FRMD4B: variants seen among roughly 807,000 people sequenced by gnomAD.
FRMD4B encodes the protein FERM domain containing 4B.
A neutral mutation model predicts 141.5 loss-of-function variants in FRMD4B; 74 were observed. The ratio of observed to expected loss-of-function variants is 0.52; its 90% CI spans 0.43 to 0.63. The LOEUF (loss-of-function observed/expected upper bound fraction) is 0.63. Among genes scored for constraint, FRMD4B ranks in the 30% least tolerant of loss-of-function variants. The probability of loss-of-function intolerance (pLI) is 0.00; values close to 1 mark genes in which losing one functional copy is unlikely to be tolerated. For missense variants in FRMD4B, 1,366 were observed against 1,253.4 expected (o/e 1.09, Z -1.36); for synonymous variants, 506 against 467.9 (o/e 1.08, Z -1.05).
At chr3:69,251,483 T>A (rs911448481) in intron 5 of FRMD4B, among the ~76,000 whole-genome samples, 1 of 152,156 alleles carries the variant, frequency 6.6e-6, no homozygotes, top group Non-Finnish European at 1.5e-5. Context: ...TTAAAACCCA[T>A]AAAATAAAAT....
chr3:69,453,532 G>A (rs1414863411), intron 1 of FRMD4B, among the ~76,000 whole-genome samples: 3 of 152,186 alleles, frequency 2.0e-5, no homozygotes, highest in African/African-American at 7.2e-5. Flanking sequence ...CCAAACTCTG[G>A]CTCTCAAAGC....
At chr3:69,193,539 C>G in intron 17 of FRMD4B, 109 bp downstream of exon 17, 1 of 646,526 alleles carries the variant, frequency 1.5e-6, no homozygotes, top group Non-Finnish European at 2.7e-6. Context: ...GTTTTGATCA[C>G]CTGGTTCTTC....
intron 3 of FRMD4B, among the ~76,000 whole-genome samples, chr3:69,303,321 C>T (rs985787481): frequency 2.0e-5 from 3 of 150,398 alleles, no homozygotes; most frequent in African/African-American, 4.9e-5. Context: ...ATAACCAGAC[C>T]CCATCTTAAA....
In FRMD4B at chr3:69,181,068, T is replaced by A. The variant is rs764755686; in HGVS notation, c.2682A>T (p.Leu894Phe). 6.2e-7 allele frequency: 1 copy of A among 1,613,860 alleles called. No homozygotes were observed. The highest frequency in any genetic ancestry group is 8.5e-7 in the Non-Finnish European group (1 of 1,179,896). The part of the protein sequence containing the change: ...EHITKNIHKA[L>F]VAEHLRGWYQ... ...ACCAGCCACGCAAGTGCTCGGCAAC[T>A]AAGGCCTTGTGGATGTTTTTGGTGA... The change falls in exon 21 of 23, where the codon TTA becomes TTT. Residue 894 changes from leucine to phenylalanine, a missense_variant. Transcript: ENST00000398540.
intron 3 of FRMD4B, among the ~76,000 whole-genome samples, chr3:69,308,440 T>TC (rs2107205448): frequency 6.9e-6 from 1 of 145,260 alleles, no homozygotes; most frequent in East Asian, 2.0e-4. Context: ...CACACTGGCT[T>TC]TTTTTTTTTT....
Position 69,405,725 on chromosome 3 carries a change from G to C in FRMD4B, c.-1+26909C>G, listed in dbSNP as rs1474353842. 2.0e-5 allele frequency among the ~76,000 whole-genome samples: 3 copies of C among 152,112 alleles called. No individual in the cohort carries two copies. The South Asian group carries it at 6.2e-4, about 32-fold the overall frequency. On this transcript the variant is annotated intron_variant, in intron 2 of 5. Transcript: ENST00000459638. ...TACGCCACAACATCTGGCTCACTCCGATACCATGTTTCCCAGTCCTACCCT... is the reference window on the plus strand; with the variant it reads ...TACGCCACAACATCTGGCTCACTCCCATACCATGTTTCCCAGTCCTACCCT...
chr3:69,413,745 A>G (rs1400983804), intron 2 of FRMD4B, among the ~76,000 whole-genome samples: 1 of 152,138 alleles, frequency 6.6e-6, no homozygotes, highest in Non-Finnish European at 1.5e-5. Flanking sequence ...CACACGTCCA[A>G]AAGATGTGCA....
chr3:69,208,035 A>C (rs1425483517), intron 11 of FRMD4B, among the ~76,000 whole-genome samples: 1 of 151,800 alleles, frequency 6.6e-6, no homozygotes, highest in Admixed American at 6.6e-5. Flanking sequence ...ACCCGCCACC[A>C]TGTCTGGCTA....
chr3:69,313,873 C>T (rs1275057937), intron 1 of FRMD4B, among the ~76,000 whole-genome samples: 7 of 151,372 alleles, frequency 4.6e-5, no homozygotes, highest in African/African-American at 1.7e-4. Flanking sequence ...GGCGCGGTGG[C>T]TCACGCCTGT....
chr3:69,247,001 C>G (rs2093429878), intron 7 of FRMD4B, among the ~76,000 whole-genome samples: 1 of 152,152 alleles, frequency 6.6e-6, no homozygotes, highest in South Asian at 2.1e-4. Context: ...TATTCTCCAC[C>G]TCCCCCATAA....
intron 7 of FRMD4B, chr3:69,228,441 T>C (rs1415261826): frequency 8.8e-6 from 4 of 456,828 alleles, no homozygotes; most frequent in South Asian, 4.6e-5. Flanking sequence ...CACTGAGATA[T>C]GGTGTGAACT....
At chr3:69,216,997 G>A (rs1441010567) in intron 10 of FRMD4B, among the ~76,000 whole-genome samples, 1 of 149,368 alleles carries the variant, frequency 6.7e-6, no homozygotes, top group Admixed American at 6.7e-5. Flanking sequence ...AAAAAAAAAA[G>A]CTCTTTGCCT....
chr3:69,261,401 G>A (rs2093526477), intron 5 of FRMD4B, among the ~76,000 whole-genome samples: 1 of 152,222 alleles, frequency 6.6e-6, no homozygotes, highest in African/African-American at 2.4e-5. Flanking sequence ...TAACATGCAG[G>A]ATTATGACTG....
At chr3:69,217,056 A>G (rs571491365) in intron 10 of FRMD4B, among the ~76,000 whole-genome samples, 171 of 152,174 alleles carry the variant, frequency 1.1e-3, no homozygotes, top group Non-Finnish European at 2.1e-3. Flanking sequence ...CCAAAGAATT[A>G]CAAAGATGAG....
At chr3:69,441,022 G>A (rs141636209) in intron 1 of FRMD4B, among the ~76,000 whole-genome samples, 83 of 151,882 alleles carry the variant, frequency 5.5e-4, no homozygotes, top group African/African-American at 1.8e-3. Context: ...TTCTTAAAAC[G>A]TACTCTGAGT....
chr3:69,478,588 G>T (rs1262345382), intron 1 of FRMD4B, among the ~76,000 whole-genome samples: 1 of 152,168 alleles, frequency 6.6e-6, no homozygotes. Context: ...TATAATTTCT[G>T]TTCTTTCACA....
chr3:69,388,658 A>C (rs974466629), upstream of FRMD4B, among the ~76,000 whole-genome samples: 5 of 152,158 alleles, frequency 3.3e-5, no homozygotes, highest in Admixed American at 6.5e-5. Context: ...TCATGTGTAC[A>C]ATGTATTATC....
chr3:69,531,402 A>AC (rs952006396), intron 1 of FRMD4B, among the ~76,000 whole-genome samples: 2 of 152,106 alleles, frequency 1.3e-5, no homozygotes, highest in African/African-American at 2.4e-5. Context: ...CAAGCAAAAA[A>AC]AAAGGAAAGA....
intron 18 of FRMD4B, among the ~76,000 whole-genome samples, chr3:69,188,833 G>C (rs1191381568): frequency 1.3e-5 from 2 of 150,608 alleles, no homozygotes; most frequent in African/African-American, 2.4e-5. Flanking sequence ...AATTCTTCAA[G>C]TCATACCACA....
Sources: gnomAD v4.1 joint callset for allele counts (sites outside exome capture counted in the v4.1 genomes callset) on GRCh38, gnomAD v4.1.1 for gene constraint, MANE v1.5 for transcripts, NCBI Gene and HGNC (gene_info 2026-07-23, HGNC 2026-07-21) for gene names.